DTNB: variants seen among roughly 807,000 people sequenced by gnomAD.
The protein encoded by DTNB is DTN-B.
In DTNB, 63 loss-of-function variants were observed where a neutral mutation model predicts 90.7. The ratio of observed to expected loss-of-function variants is 0.69; its 90% confidence interval spans 0.57 to 0.86. The LOEUF (loss-of-function observed/expected upper bound fraction) is 0.86, where lower values mean the gene tolerates loss of function less well. Among genes scored for constraint, DTNB ranks in the 40% least tolerant of loss-of-function variants. The pLI is 0.00. For missense variants in DTNB, 744 were observed against 807.1 expected (o/e 0.92, Z 0.95); for synonymous variants, 277 against 286.7 (o/e 0.97, Z 0.34).
intron 16 of DTNB, chr2:25,419,180 G>T: frequency 2.5e-6 from 1 of 404,632 alleles, no homozygotes; most frequent in Non-Finnish European, 4.5e-6. Flanking sequence ...CCTGAAAGTT[G>T]TTTCAAGCAA....
intron 16 of DTNB, among the ~76,000 whole-genome samples, chr2:25,397,542 T>A (rs1217628892): frequency 6.6e-6 from 1 of 151,920 alleles, no homozygotes; most frequent in Non-Finnish European, 1.5e-5. Context: ...AAGTGACCAG[T>A]TCAGACAGCG....
chr2:25,501,578 T>C (rs1431895645), intron 9 of DTNB, among the ~76,000 whole-genome samples: 1 of 152,152 alleles, frequency 6.6e-6, no homozygotes. Context: ...AGTTTCACCA[T>C]GTTGGCCAGG....
At chr2:25,462,963 A>T (rs1190129815) in intron 10 of DTNB, among the ~76,000 whole-genome samples, 1 of 152,308 alleles carries the variant, frequency 6.6e-6, no homozygotes, top group Admixed American at 6.5e-5. Context: ...TCGGCCTCCC[A>T]AAGTGCTGGG....
At chr2:25,447,497 A>ATGTTTT (rs1553397924) in intron 12 of DTNB, among the ~76,000 whole-genome samples, 1 of 132,594 alleles carries the variant, frequency 7.5e-6, no homozygotes, top group South Asian at 2.4e-4. Flanking sequence ...GCAGCTAGTT[A>ATGTTTT]TCTTTTTTTT....
At chr2:25,600,847 T>C (rs1159371193) in intron 5 of DTNB, among the ~76,000 whole-genome samples, 2 of 152,238 alleles carry the variant, frequency 1.3e-5, no homozygotes, top group African/African-American at 2.4e-5. Context: ...TTATACTTAG[T>C]TACTACGTCA....
intron 10 of DTNB, among the ~76,000 whole-genome samples, chr2:25,474,839 T>C (rs1292367212): frequency 1.3e-5 from 2 of 152,200 alleles, no homozygotes; most frequent in Non-Finnish European, 2.9e-5. Flanking sequence ...ACTTCTCCAT[T>C]ATTATCATCA....
In DTNB at chr2:25,580,949, A is replaced by G. The variant is rs865855491; in HGVS notation, c.604-123T>C. On this transcript the variant is annotated intron_variant, in intron 6 of 20. Coordinates refer to ENST00000406818, the MANE Select transcript of DTNB (RefSeq NM_021907.5). ...TACACGGTAAATTTTATAGCAAAAT[A>G]AAATATTTTACATTACTACAGACAC... The G allele has an allele frequency of 2.7e-6, 2 of 735,930 alleles. 1 individual carries two copies. Among genetic ancestry groups the G allele is most frequent in the Middle Eastern group, 8.1e-4 (2 of 2,458 alleles). The allele number at this position is 735,930 out of a possible 1,614,324, so 45.6% of individuals were successfully genotyped here.
chr2:25,510,753 C>G (rs2073766696), intron 9 of DTNB, among the ~76,000 whole-genome samples: 2 of 152,222 alleles, frequency 1.3e-5, no homozygotes, highest in Admixed American at 6.5e-5. Flanking sequence ...AGTGATCTGC[C>G]TGCCTTGGCC....
At chr2:25,586,707 A>C (rs1424439332) in intron 6 of DTNB, among the ~76,000 whole-genome samples, 1 of 152,120 alleles carries the variant, frequency 6.6e-6, no homozygotes, top group East Asian at 1.9e-4. Context: ...TGAAAGATTA[A>C]AAACATCAAA....
intron 2 of DTNB, among the ~76,000 whole-genome samples, chr2:25,643,270 C>A (rs2078738433): frequency 6.6e-6 from 1 of 152,124 alleles, no homozygotes; most frequent in Non-Finnish European, 1.5e-5. Flanking sequence ...CTCCTCAGAC[C>A]AACTCATCCT....
At chr2:25,411,281 C>T (rs905886011) in intron 16 of DTNB, among the ~76,000 whole-genome samples, 2 of 151,858 alleles carry the variant, frequency 1.3e-5, no homozygotes, top group Non-Finnish European at 2.9e-5. Context: ...GTCACTTGAA[C>T]CCGGGATGCA....
chr2:25,418,349 TTATAAG>T (rs768466774), intron 16 of DTNB, among the ~76,000 whole-genome samples: 4 of 152,186 alleles, frequency 2.6e-5, no homozygotes, highest in Admixed American at 1.3e-4. Flanking sequence ...TAGCTAGAAA[TTATAAG>T]TATAATGTTT....
At chr2:25,528,139 T>C (rs1026960686) in intron 9 of DTNB, among the ~76,000 whole-genome samples, 1 of 152,182 alleles carries the variant, frequency 6.6e-6, no homozygotes, top group Non-Finnish European at 1.5e-5. Flanking sequence ...AAAAAGTCTT[T>C]GATCATCAAT....
chr2:25,630,342 G>T (rs761234654), intron 3 of DTNB, among the ~76,000 whole-genome samples: 46 of 152,268 alleles, frequency 3.0e-4, no homozygotes, highest in Non-Finnish European at 5.3e-4. Flanking sequence ...TCCTTAAGAA[G>T]TTACACACAG....
At chr2:25,383,106 C>T (rs1460475806) in intron 19 of DTNB, among the ~76,000 whole-genome samples, 1 of 152,084 alleles carries the variant, frequency 6.6e-6, no homozygotes, top group Non-Finnish European at 1.5e-5. Flanking sequence ...TTCTAGTCCA[C>T]AACAATCTCT....
At chr2:25,418,690 C>A (rs1398855633) in intron 16 of DTNB, among the ~76,000 whole-genome samples, 1 of 148,160 alleles carries the variant, frequency 6.7e-6, no homozygotes, top group African/African-American at 2.5e-5. Flanking sequence ...CAGAGCGAGA[C>A]ACCGTCTCAA....
At position 25,576,973 on chromosome 2, in the gene DTNB, T is replaced by C. The variant is rs760599879; in HGVS notation, c.741A>G (p.Arg247=). 6.2e-7 allele frequency: 1 copy of C among 1,610,226 alleles called. No individual in the cohort carries two copies. The highest frequency in any genetic ancestry group is 1.1e-5 in the South Asian group (1 of 90,198). ...ACCGGAAACCCATCATACTCTCACA[T>C]CGGCAGTAGGAGCACTCCACGGGAT... ...VFHPVECSYC[R]CESMMGFRYR... Residue 247 remains arginine, a synonymous_variant, in exon 8 of 21, where the codon CGA becomes CGG. Coordinates refer to ENST00000406818, the MANE Select transcript of DTNB (RefSeq NM_021907.5).
intron 1 of DTNB, among the ~76,000 whole-genome samples, chr2:25,660,019 A>T (rs1400649619): frequency 6.6e-6 from 1 of 152,010 alleles, no homozygotes; most frequent in Admixed American, 6.6e-5. Flanking sequence ...CCACAGTAAT[A>T]AAAAAAACAG....
At chr2:25,580,609 C>T in intron 7 of DTNB, 112 bp downstream of exon 7, 8 of 1,026,004 alleles carry the variant, frequency 7.8e-6, no homozygotes, top group Non-Finnish European at 7.3e-6. Context: ...GACAGAATGA[C>T]AGCAAATGTC....
Sources: allele counts gnomAD v4.1 joint callset (sites outside exome capture counted in the v4.1 genomes callset), GRCh38; gene constraint gnomAD v4.1.1; transcripts MANE v1.5; gene names NCBI Gene and HGNC (gene_info 2026-07-23, HGNC 2026-07-21).